PCDHGB4: variants seen among roughly 807,000 people sequenced by gnomAD.
PCDHGB4 encodes the protein protocadherin gamma subfamily B, 4, also known as protocadherin gamma-B4.
Under a neutral mutation model 60.5 loss-of-function variants are expected in PCDHGB4, and 38 were observed. The ratio of observed to expected loss-of-function variants is 0.63; its 90% CI spans 0.48 to 0.82. PCDHGB4 has a LOEUF of 0.82. Ranked by LOEUF, PCDHGB4 falls within the 40% of genes least tolerant of loss-of-function variation. PCDHGB4 has a pLI of 0.00. For synonymous variants in PCDHGB4, 456 were observed against 509.7 expected, an observed-to-expected ratio of 0.89 and a Z score of 1.42; for missense variants, 1,109 against 1,209.6, an observed-to-expected ratio of 0.92 and a Z score of 1.23.
intron 2 of PCDHGB4, among the ~76,000 whole-genome samples, chr5:141,498,956 A>G (rs547381859): frequency 2.4e-5 from 3 of 124,058 alleles, no homozygotes; most frequent in African/African-American, 6.3e-5. Context: ...AAAAAGAGAG[A>G]GAGGGAGGGA....
chr5:141,400,656 A>G (rs72790034), intron 1 of PCDHGB4: 33,230 of 1,084,006 alleles, frequency 0.031, 658 homozygotes, highest in East Asian at 0.041. Context: ...CTGTCCTACC[A>G]TTCTTTAAGA....
chr5:141,480,137 A>G (rs1183663599), intron 1 of PCDHGB4, among the ~76,000 whole-genome samples: 2 of 152,096 alleles, frequency 1.3e-5, no homozygotes, highest in Non-Finnish European at 2.9e-5. Context: ...CTGTTAAACA[A>G]TTATTAGCCA....
intron 1 of PCDHGB4, among the ~76,000 whole-genome samples, chr5:141,457,900 A>C (rs2098931922): frequency 6.7e-6 from 1 of 149,818 alleles, no homozygotes; most frequent in Admixed American, 6.6e-5. Context: ...CTGTGTAGAC[A>C]AGGTGTGAGG....
intron 2 of PCDHGB4, among the ~76,000 whole-genome samples, chr5:141,502,654 C>T (rs1424933188): frequency 6.6e-6 from 1 of 152,230 alleles, no homozygotes; most frequent in South Asian, 2.1e-4. Context: ...TAGGCAGCAA[C>T]CCTTCATGCA....
At chr5:141,433,404 TATTA>T (rs142533293) in intron 1 of PCDHGB4, among the ~76,000 whole-genome samples, 252 of 146,310 alleles carry the variant, frequency 1.7e-3, no homozygotes, top group African/African-American at 6.2e-3. Context: ...TCTATCTATC[TATTA>T]CTTTCTTGTA....
rs1480686339 is a variant in PCDHGB4, at chr5:141,415,643, A to G, written c.2397+25362A>G. ...TTTATTTTCATTTTTACTTTTGTTA[A>G]AAAAAAAAAGATTGGTTTTTACTTT... is the stretch of plus-strand genomic sequence containing the variant. On this transcript the variant is annotated intron_variant, in intron 1 of 3. Transcript: ENST00000519479. The G allele has an allele frequency of 5.1e-6, 8 of 1,571,752 alleles. No individual in the cohort carries two copies. In the South Asian group the frequency reaches 9.1e-5, roughly 18 times the overall value.
intron 1 of PCDHGB4, chr5:141,422,953 G>A: frequency 6.2e-7 from 1 of 1,614,232 alleles, no homozygotes; most frequent in Non-Finnish European, 8.5e-7. Context: ...CTCCACTGGC[G>A]TGGAGCTGGC....
At chr5:141,397,626 C>G (rs539348100) in intron 1 of PCDHGB4, among the ~76,000 whole-genome samples, 27 of 152,256 alleles carry the variant, frequency 1.8e-4, no homozygotes, top group Middle Eastern at 3.4e-3. Context: ...TTAGTTCTAG[C>G]TAAGAGTTCA....
At position 141,388,216 on chromosome 5, in the gene PCDHGB4, A is replaced by G. The variant is rs1391427454; in HGVS notation, c.332A>G (p.Glu111Gly). 1 of 1,598,862 alleles carries G rather than the reference A, an allele frequency of 6.3e-7. No individual in the cohort carries two copies. Among genetic ancestry groups the G allele is most frequent in the African/African-American group, 1.4e-5 (1 of 74,060 alleles). Residue 111 changes from glutamate (E) to glycine (G), a missense_variant, in exon 1 of 4, where the codon GAA becomes GGA. Physicochemically the swap from Glu to Gly is moderately conservative, Grantham distance 98 (BLOSUM62 -2). Around this residue, in one of 2 missense-constraint regions of PCDHGB4, gnomAD observed 1,068 missense variants for 1,089.9 expected, o/e 0.98. Transcript: ENST00000519479. ...GCTCTGGAATTTGAGGCTGTTGCTGAAAATCCACTGAACTTTTATCACGTG... is the reference window on the plus strand; with the variant it reads ...GCTCTGGAATTTGAGGCTGTTGCTGGAAATCCACTGAACTTTTATCACGTG... ...ACALEFEAVAENPLNFYHVNV... is the reference protein window; with the variant it reads ...ACALEFEAVAGNPLNFYHVNV...
chr5:141,400,459 G>T, intron 1 of PCDHGB4: 1 of 1,614,072 alleles, frequency 6.2e-7, no homozygotes, highest in African/African-American at 1.3e-5. Context: ...CATACTTTGT[G>T]GTGATTCATC....
intron 1 of PCDHGB4, chr5:141,418,920 A>G: frequency 6.2e-7 from 1 of 1,613,992 alleles, no homozygotes; most frequent in Non-Finnish European, 8.5e-7. Flanking sequence ...TCACTCTCTG[A>G]TCAGATTATG....
chr5:141,505,653 G>A (rs1049630228), intron 3 of PCDHGB4, among the ~76,000 whole-genome samples, 172 bp downstream of exon 3: 1 of 152,184 alleles, frequency 6.6e-6, no homozygotes, highest in Non-Finnish European at 1.5e-5. Context: ...TTGTGGCTAA[G>A]GAACAGCAGA....
Position 141,415,037 on chromosome 5 carries a change from T to G in PCDHGB4, c.2397+24756T>G, listed in dbSNP as rs775779136. The G allele has an allele frequency of 5.0e-6, 8 of 1,613,384 alleles. No homozygotes were observed. In the Admixed American group the frequency reaches 8.3e-5, roughly 17 times the overall value. ...CTCAAGGCCAGCGAGCCGGGACTCT[T>G]CGCGGTGGGGGAGCACACGGGCGAG... is the stretch of plus-strand genomic sequence containing the variant. On this transcript the variant is annotated intron_variant, in intron 1 of 3. Coordinates refer to ENST00000519479, the MANE Select transcript of PCDHGB4 (RefSeq NM_003736.4).
chr5:141,423,053 T>C lies in PCDHGB4; in HGVS notation c.2397+32772T>C, dbSNP rs200154593. 1.4e-4 allele frequency: 219 copies of C among 1,614,170 alleles called. 1 individual carries two copies. The African/African-American group carries it at 2.5e-3, about 18-fold the overall frequency. ...CAGAACGCCTGGCTGTCCTATCGCCTGCTTAAGGCCAGCGAGCCGGGACTC... is the reference window on the plus strand; with the variant it reads ...CAGAACGCCTGGCTGTCCTATCGCCCGCTTAAGGCCAGCGAGCCGGGACTC... On this transcript the variant is annotated intron_variant, in intron 1 of 3. Coordinates refer to ENST00000519479, the MANE Select transcript of PCDHGB4 (RefSeq NM_003736.4).
chr5:141,484,788 TAAC>T (rs1245576501), intron 1 of PCDHGB4, among the ~76,000 whole-genome samples: 1 of 151,732 alleles, frequency 6.6e-6, no homozygotes, highest in Non-Finnish European at 1.5e-5. Flanking sequence ...CCCACAGAGA[TAAC>T]AACCCGTGGA....
Position 141,389,541 on chromosome 5 carries a change from C to A in PCDHGB4, c.1657C>A (p.Arg553Ser). ...GAGCCTGCGCGTGTTAGTGGACGACCGCAACGACAATGCGCCACGGGTGCT... is the reference window on the plus strand; with the variant it reads ...GAGCCTGCGCGTGTTAGTGGACGACAGCAACGACAATGCGCCACGGGTGCT... ...NVSLRVLVDD[R>S]NDNAPRVLYP... Residue 553 changes from arginine (R) to serine (S), a missense_variant, in exon 1 of 4, where the codon CGC becomes AGC. This residue lies in a region of PCDHGB4 where 1,068 missense variants were observed against 1,089.9 expected (regional missense o/e 0.98). Transcript: ENST00000519479. 2 of 1,613,242 alleles carry A rather than the reference C, an allele frequency of 1.2e-6. No homozygotes were observed. Among genetic ancestry groups the A allele is most frequent in the Non-Finnish European group, 1.7e-6 (2 of 1,179,770 alleles).
chr5:141,452,133 A>C (rs2098734490), intron 1 of PCDHGB4, among the ~76,000 whole-genome samples: 1 of 152,136 alleles, frequency 6.6e-6, no homozygotes, highest in Admixed American at 6.5e-5. Flanking sequence ...TATATGGCTC[A>C]TGTGTTTTTT....
intron 1 of PCDHGB4, among the ~76,000 whole-genome samples, chr5:141,461,376 T>C (rs2099014225): frequency 6.6e-6 from 1 of 152,184 alleles, no homozygotes; most frequent in South Asian, 2.1e-4. Context: ...AATTTGCATT[T>C]TCCTGATGAT....
At chr5:141,471,046 C>CT (rs1170588345) in intron 1 of PCDHGB4, among the ~76,000 whole-genome samples, 3,156 of 113,234 alleles carry the variant, frequency 0.028, 57 homozygotes, top group African/African-American at 0.046. Context: ...CCCAAGCCCT[C>CT]TTTTTTTTTT....
Sources: allele counts gnomAD v4.1 joint callset (sites outside exome capture counted in the v4.1 genomes callset), GRCh38; gene constraint gnomAD v4.1.1; regional missense constraint gnomAD v4.1.1; transcripts MANE v1.5; gene names NCBI Gene and HGNC (gene_info 2026-07-23, HGNC 2026-07-21).